The following DGKI variants were observed in gnomAD, a reference collection of about 807,000 sequenced individuals.
DGKI encodes DAG kinase iota.
Under a neutral mutation model 147.5 loss-of-function variants are expected in DGKI, and 55 were observed. The ratio of observed to expected loss-of-function variants is 0.37; its 90% CI spans 0.30 to 0.47. The LOEUF is 0.47. DGKI is among the 20% of genes least tolerant of loss of function. DGKI has a pLI of 1.00. For missense variants in DGKI, 1,007 were observed against 1,323.8 expected, an observed-to-expected ratio of 0.76 and a Z score of 3.71; for synonymous variants, 469 against 477.1, an observed-to-expected ratio of 0.98 and a Z score of 0.22.
At chr7:137,663,789 C>T (rs1375859675) in intron 3 of DGKI, among the ~76,000 whole-genome samples, 1 of 152,162 alleles carries the variant, frequency 6.6e-6, no homozygotes, top group African/African-American at 2.4e-5. Flanking sequence ...GGAGATTTCT[C>T]TGTGTGTTTC....
In DGKI at chr7:137,381,845, TCTC is replaced by T; in HGVS notation, c.*9372_*9374del. 1 of 152,194 alleles carries T rather than the reference TCTC, an allele frequency of 6.6e-6. No homozygotes were observed. The highest frequency in any genetic ancestry group is 1.5e-5 in the Non-Finnish European group (1 of 67,984). 9.4% of individuals were successfully genotyped at this position (152,194 alleles called of 1,614,324 possible). A position where few individuals can be genotyped will look rare whatever the true frequency, so the allele number is the denominator to read the frequency against. ...ATATTTTGTCTATGAGAGTTCTAAA[TCTC>T]CTTCCCCAGGATGGCAAGAATCCAA... is the stretch of plus-strand genomic sequence containing the variant. On this transcript the variant is annotated 3_prime_UTR_variant, in exon 33 of 33. Transcript: ENST00000614521.
intron 28 of DGKI, among the ~76,000 whole-genome samples, chr7:137,429,027 T>C (rs1340433261): frequency 6.6e-6 from 1 of 151,832 alleles, no homozygotes; most frequent in Non-Finnish European, 1.5e-5. Flanking sequence ...ACCAATGACT[T>C]TCTTCACAGA....
At chr7:137,506,147 C>G (rs1816362114) in intron 21 of DGKI, among the ~76,000 whole-genome samples, 1 of 152,164 alleles carries the variant, frequency 6.6e-6, no homozygotes, top group Non-Finnish European at 1.5e-5. Context: ...ACATAAATAT[C>G]TGCACAGGGA....
At chr7:137,403,531 G>A (rs1056128657) in intron 30 of DGKI, among the ~76,000 whole-genome samples, 1 of 152,150 alleles carries the variant, frequency 6.6e-6, no homozygotes, top group African/African-American at 2.4e-5. Context: ...GAAGAGGGCA[G>A]AGCAGAGGGG....
intron 1 of DGKI, chr7:137,774,809 C>G (rs1476889339): frequency 6.6e-6 from 1 of 152,154 alleles, no homozygotes; most frequent in Non-Finnish European, 1.5e-5. Flanking sequence ...TCCTGACCCT[C>G]TTGTGTTAAG....
chr7:137,498,762 G>A (rs527848112), intron 21 of DGKI, among the ~76,000 whole-genome samples: 39 of 152,096 alleles, frequency 2.6e-4, no homozygotes, highest in Non-Finnish European at 5.1e-4. Flanking sequence ...TTTGCAATAC[G>A]AATGAGTGTT....
At chr7:137,805,965 C>T (rs1217629116) in intron 1 of DGKI, among the ~76,000 whole-genome samples, 2 of 152,204 alleles carry the variant, frequency 1.3e-5, no homozygotes, top group African/African-American at 4.8e-5. Flanking sequence ...TTCTTTGACG[C>T]TAAATAATAC....
At chr7:137,652,585 G>A (rs1018127695) in intron 5 of DGKI, among the ~76,000 whole-genome samples, 3 of 152,130 alleles carry the variant, frequency 2.0e-5, no homozygotes, top group Non-Finnish European at 2.9e-5. Flanking sequence ...AGGCACCACA[G>A]CCCTATCATT....
At chr7:137,456,816 C>A (rs1814223767) in intron 27 of DGKI, among the ~76,000 whole-genome samples, 1 of 152,120 alleles carries the variant, frequency 6.6e-6, no homozygotes, top group Non-Finnish European at 1.5e-5. Flanking sequence ...CAATGTCAGT[C>A]AAAATAAGAT....
At chr7:137,529,384 AGGCCAGAATCATT>A (rs1281171500) in intron 20 of DGKI, among the ~76,000 whole-genome samples, 2 of 152,192 alleles carry the variant, frequency 1.3e-5, no homozygotes, top group Admixed American at 1.3e-4. Context: ...ATGTGTGATT[AGGCCAGAATCATT>A]GGCCAGAATA....
At chr7:137,662,279 G>A (rs1189108643) in intron 3 of DGKI, among the ~76,000 whole-genome samples, 2 of 116,614 alleles carry the variant, frequency 1.7e-5, no homozygotes, top group East Asian at 5.1e-4. Flanking sequence ...GTCTCACTTT[G>A]TTGCCCGGGG....
intron 1 of DGKI, among the ~76,000 whole-genome samples, chr7:137,739,030 A>C (rs1795101504): frequency 3.3e-5 from 5 of 152,054 alleles, no homozygotes; most frequent in Admixed American, 3.3e-4. Context: ...TTTTATCCAA[A>C]TATGTTTTAA....
At chr7:137,668,809 C>G (rs1423878689) in intron 3 of DGKI, among the ~76,000 whole-genome samples, 2 of 152,164 alleles carry the variant, frequency 1.3e-5, no homozygotes, top group Non-Finnish European at 2.9e-5. Flanking sequence ...CAGTCCTTAA[C>G]TTTCCTCGAG....
intron 28 of DGKI, among the ~76,000 whole-genome samples, chr7:137,437,247 T>C (rs1197406870): frequency 1.3e-5 from 2 of 152,198 alleles, no homozygotes; most frequent in Non-Finnish European, 2.9e-5. Flanking sequence ...TATAGAATTC[T>C]CTTCCCACAA....
chr7:137,845,400 G>T (rs913655358), intron 1 of DGKI, among the ~76,000 whole-genome samples: 1 of 152,170 alleles, frequency 6.6e-6, no homozygotes, highest in Non-Finnish European at 1.5e-5. Flanking sequence ...ACTTTATATG[G>T]TTTTTGGGAA....
chr7:137,832,153 C>T (rs936731684), intron 1 of DGKI, among the ~76,000 whole-genome samples: 5 of 152,206 alleles, frequency 3.3e-5, no homozygotes, highest in African/African-American at 1.2e-4. Context: ...TCCAGGTGCA[C>T]AGTGCAAGCT....
At chr7:137,488,520 T>A (rs1220260588) in intron 21 of DGKI, among the ~76,000 whole-genome samples, 1 of 150,988 alleles carries the variant, frequency 6.6e-6, no homozygotes, top group African/African-American at 2.4e-5. Context: ...TTCCAAAACT[T>A]AAAAAAAAAT....
chr7:137,834,657 C>T (rs531491191), intron 1 of DGKI, among the ~76,000 whole-genome samples: 1 of 152,356 alleles, frequency 6.6e-6, no homozygotes, highest in East Asian at 1.9e-4. Context: ...TATTATGCAG[C>T]ACACTCTTAG....
chr7:137,519,758 C>A (rs1354446391), intron 21 of DGKI, among the ~76,000 whole-genome samples: 1 of 151,982 alleles, frequency 6.6e-6, no homozygotes, highest in African/African-American at 2.4e-5. Flanking sequence ...AATCCAGAAC[C>A]TCAAAGGATA....
Sources: gnomAD v4.1 joint callset for allele counts (sites outside exome capture counted in the v4.1 genomes callset) on GRCh38, gnomAD v4.1.1 for gene constraint, MANE v1.5 for transcripts, NCBI Gene and HGNC (gene_info 2026-07-23, HGNC 2026-07-21) for gene names.